SOX5: variants seen among roughly 807,000 people sequenced by gnomAD.
The protein encoded by SOX5 is SRY-box transcription factor 5.
In SOX5, 9 loss-of-function variants were observed where a neutral mutation model predicts 92.0. That is an observed-to-expected ratio of 0.10 (90% CI 0.06 to 0.17). SOX5 has a LOEUF of 0.17. Ranked by LOEUF, SOX5 falls within the 10% of genes least tolerant of loss-of-function variation. The pLI is 1.00. For missense variants in SOX5, 642 were observed against 944.5 expected (o/e 0.68, Z 4.20); for synonymous variants, 344 against 336.3 (o/e 1.02, Z -0.25).
intron 3 of SOX5, among the ~76,000 whole-genome samples, chr12:24,220,263 GATAA>G (rs1960087349): frequency 6.6e-6 from 1 of 151,444 alleles, no homozygotes; most frequent in Non-Finnish European, 1.5e-5. Flanking sequence ...TAACCACTGA[GATAA>G]ATAATTATCA....
At chr12:24,244,048 TAA>T (rs3031151) in intron 3 of SOX5, among the ~76,000 whole-genome samples, 58,045 of 131,448 alleles carry the variant, frequency 0.44, 11,941 homozygotes, top group East Asian at 0.73. Context: ...GGCATATTGA[TAA>T]AAAAAAAAAA....
At chr12:24,185,831 G>A (rs1955961166) in intron 4 of SOX5, among the ~76,000 whole-genome samples, 1 of 152,108 alleles carries the variant, frequency 6.6e-6, no homozygotes, top group Admixed American at 6.6e-5. Flanking sequence ...GTACTCCAAA[G>A]CTCCACACAG....
At position 23,575,838 on chromosome 12, in the gene SOX5, C is replaced by A; in HGVS notation, c.1165G>T (p.Asp389Tyr). ...STNSPPPKSK[D>Y]EVAQPLNLSA... The stretch of plus-strand genomic sequence containing the variant: ...AGGTTCAGTGGCTGTGCCACTTCAT[C>A]CTGCAATGATCATTAGAACATGAGC... The change falls in exon 10 of 15, where the codon GAT (aspartate) becomes TAT (tyrosine). Residue 389 changes from aspartate to tyrosine, a missense_variant and splice_region_variant. Asp to Tyr is a radical substitution (Grantham distance 160, BLOSUM62 -3). Coordinates refer to ENST00000451604, the MANE Select transcript of SOX5 (RefSeq NM_006940.6). The A allele has an allele frequency of 6.5e-7, 1 of 1,548,618 alleles. No homozygotes were observed. Among genetic ancestry groups the A allele is most frequent in the Non-Finnish European group, 8.7e-7 (1 of 1,150,456 alleles).
intron 11 of SOX5, among the ~76,000 whole-genome samples, chr12:23,548,513 T>C (rs923311612): frequency 4.0e-4 from 59 of 148,340 alleles, no homozygotes; most frequent in Non-Finnish European, 7.0e-4. Context: ...ACCCTTTGTA[T>C]AGTAATTTAA....
chr12:23,630,043 T>A (rs993612775), intron 8 of SOX5, among the ~76,000 whole-genome samples: 2 of 151,988 alleles, frequency 1.3e-5, no homozygotes, highest in Admixed American at 1.3e-4. Flanking sequence ...AGGACATGTA[T>A]CTATTACCTA....
At chr12:23,987,101 T>C (rs1480278881) in intron 4 of SOX5, among the ~76,000 whole-genome samples, 1 of 152,200 alleles carries the variant, frequency 6.6e-6, no homozygotes, top group Non-Finnish European at 1.5e-5. Context: ...CTACTAAGTG[T>C]TAGGCACTAC....
At chr12:23,738,523 T>G (rs1370609661) in intron 5 of SOX5, 2 of 152,076 alleles carry the variant, frequency 1.3e-5, no homozygotes, top group African/African-American at 2.4e-5. Flanking sequence ...GAGAAATTCT[T>G]GAAGAACTTA....
At chr12:23,889,875 A>C (rs2097110373) in intron 2 of SOX5, among the ~76,000 whole-genome samples, 1 of 152,222 alleles carries the variant, frequency 6.6e-6, no homozygotes, top group Non-Finnish European at 1.5e-5. Context: ...AATTCCAAGA[A>C]AATGTCATCA....
chr12:23,782,607 T>C (rs974636836), intron 3 of SOX5, among the ~76,000 whole-genome samples: 8 of 152,262 alleles, frequency 5.3e-5, no homozygotes, highest in Admixed American at 2.6e-4. Context: ...CCATCCCTAT[T>C]GTTGAAGGTG....
intron 1 of SOX5, among the ~76,000 whole-genome samples, chr12:24,528,337 A>G (rs1308838631): frequency 1.3e-5 from 2 of 152,116 alleles, no homozygotes; most frequent in Non-Finnish European, 2.9e-5. Flanking sequence ...TCCCTCATCT[A>G]AATATTAAAG....
chr12:24,223,043 T>G (rs1385832479), intron 3 of SOX5, among the ~76,000 whole-genome samples: 5 of 152,228 alleles, frequency 3.3e-5, no homozygotes, highest in Non-Finnish European at 5.9e-5. Flanking sequence ...CTTTTCTCTA[T>G]TCATGGGTAA....
At chr12:24,384,761 C>T (rs1435692133) in intron 1 of SOX5, among the ~76,000 whole-genome samples, 1 of 152,128 alleles carries the variant, frequency 6.6e-6, no homozygotes, top group Non-Finnish European at 1.5e-5. Flanking sequence ...AGTTCCAACT[C>T]ATGGGAATGT....
At chr12:24,557,409 A>C (rs1297392935) in intron 1 of SOX5, among the ~76,000 whole-genome samples, 1 of 151,482 alleles carries the variant, frequency 6.6e-6, no homozygotes. Context: ...TCAAAAAAAA[A>C]AAAAAGAAAG....
intron 4 of SOX5, among the ~76,000 whole-genome samples, chr12:24,169,475 A>C (rs1953812585): frequency 6.6e-6 from 1 of 152,216 alleles, no homozygotes; most frequent in African/African-American, 2.4e-5. Flanking sequence ...TGTTTTAAGT[A>C]AGTGATACTT....
intron 3 of SOX5, among the ~76,000 whole-genome samples, chr12:23,831,957 T>C (rs868439311): frequency 5.7e-4 from 81 of 142,836 alleles, no homozygotes; most frequent in African/African-American, 2.0e-3. Context: ...AAAGGGGAAC[T>C]ACACACACAC....
intron 4 of SOX5, among the ~76,000 whole-genome samples, chr12:23,957,563 A>G (rs1591795335): frequency 6.6e-6 from 1 of 152,250 alleles, no homozygotes; most frequent in African/African-American, 2.4e-5. Flanking sequence ...AAAGCAAACT[A>G]AAAAGTTGTA....
intron 6 of SOX5, among the ~76,000 whole-genome samples, chr12:23,674,787 C>A (rs1192693155): frequency 6.6e-6 from 1 of 151,108 alleles, no homozygotes; most frequent in Non-Finnish European, 1.5e-5. Flanking sequence ...TTCAAAATTT[C>A]TCTATATATA....
chr12:23,936,187 T>C (rs1233481292), intron 1 of SOX5, among the ~76,000 whole-genome samples: 10 of 150,980 alleles, frequency 6.6e-5, no homozygotes. Flanking sequence ...TCACATCTTG[T>C]GGGTCAATTT....
chr12:23,663,139 C>T (rs533152573), intron 7 of SOX5, among the ~76,000 whole-genome samples: 80 of 152,268 alleles, frequency 5.3e-4, no homozygotes, highest in African/African-American at 1.1e-3. Context: ...TGAGTCAAAA[C>T]GCCAGGGGTC....
Sources: allele counts gnomAD v4.1 joint callset (sites outside exome capture counted in the v4.1 genomes callset), GRCh38; gene constraint gnomAD v4.1.1; transcripts MANE v1.5; gene names NCBI Gene and HGNC (gene_info 2026-07-23, HGNC 2026-07-21).